Variants in SOX5 observed in about 807,000 individuals in gnomAD.
SOX5 encodes the protein transcription factor SOX-5.
A neutral mutation model predicts 92.0 loss-of-function variants in SOX5; 9 were observed. That is an observed-to-expected ratio of 0.10 (90% CI 0.06 to 0.17). SOX5 has a LOEUF of 0.17. SOX5 is among the 10% of genes least tolerant of loss of function. SOX5 has a pLI of 1.00. For missense variants in SOX5, 642 were observed against 944.5 expected (o/e 0.68, Z 4.20); for synonymous variants, 344 against 336.3 (o/e 1.02, Z -0.25).
chr12:23,568,507 G>C (rs1947553845), intron 10 of SOX5, among the ~76,000 whole-genome samples: 1 of 152,146 alleles, frequency 6.6e-6, no homozygotes, highest in South Asian at 2.1e-4. Flanking sequence ...CAGATTGCCA[G>C]ATACATGTAT....
chr12:23,785,099 A>G (rs2095355221), intron 3 of SOX5, among the ~76,000 whole-genome samples: 1 of 152,158 alleles, frequency 6.6e-6, no homozygotes, highest in Non-Finnish European at 1.5e-5. Context: ...AAATTTAAAA[A>G]TCATCTATTT....
chr12:24,251,078 T>C (rs537591739), intron 3 of SOX5, among the ~76,000 whole-genome samples: 6 of 152,364 alleles, frequency 3.9e-5, no homozygotes, highest in Non-Finnish European at 7.3e-5. Context: ...ACATGGAAAG[T>C]GTTTGCGTAG....
chr12:24,179,196 G>A (rs576028425), intron 4 of SOX5, among the ~76,000 whole-genome samples: 1 of 152,292 alleles, frequency 6.6e-6, no homozygotes, highest in East Asian at 1.9e-4. Flanking sequence ...TATTCGAACA[G>A]TATCTAGAAA....
intron 2 of SOX5, among the ~76,000 whole-genome samples, chr12:24,353,005 T>A (rs1424708383): frequency 6.6e-6 from 1 of 152,142 alleles, no homozygotes; most frequent in Non-Finnish European, 1.5e-5. Flanking sequence ...GCCCAGGGGA[T>A]GGGGGTGCAA....
At chr12:23,564,209 C>A (rs961965657) in intron 10 of SOX5, among the ~76,000 whole-genome samples, 4 of 152,168 alleles carry the variant, frequency 2.6e-5, no homozygotes, top group Non-Finnish European at 4.4e-5. Flanking sequence ...GTGTAACAAC[C>A]AAAACTAATT....
chr12:23,549,989 T>C (rs139148982), intron 11 of SOX5, among the ~76,000 whole-genome samples: 1 of 152,128 alleles, frequency 6.6e-6, no homozygotes, highest in East Asian at 1.9e-4. Flanking sequence ...AAAACTATTA[T>C]TAACGTATTA....
intron 2 of SOX5, among the ~76,000 whole-genome samples, chr12:23,863,633 T>A (rs2096779488): frequency 6.6e-6 from 1 of 152,216 alleles, no homozygotes; most frequent in African/African-American, 2.4e-5. Context: ...TACCATATGA[T>A]GTTTCTGATA....
chr12:24,421,199 G>T (rs1456122727), intron 1 of SOX5, among the ~76,000 whole-genome samples: 1 of 152,168 alleles, frequency 6.6e-6, no homozygotes, highest in Admixed American at 6.5e-5. Flanking sequence ...ACATGGAGAG[G>T]CTTCTGGGAT....
Position 24,393,854 on chromosome 12 carries a change from G to A in SOX5, c.-250-25215C>T, listed in dbSNP as rs79388775. On this transcript the variant is annotated intron_variant, in intron 1 of 4. Coordinates refer to the SOX5 transcript ENST00000446891. This position sits in a 1 kb window ranked among gnomAD's most constrained non-coding sequence, Gnocchi z 5.0. ...TACCTCTTTCTTCAAAAGTTTAAAA[G>A]AGAATAGCAAAAGAGAAAAGACTAA... is the stretch of plus-strand genomic sequence containing the variant. 0.052 allele frequency among the ~76,000 whole-genome samples: 7,977 copies of A among 152,240 alleles called. 310 individuals carry two copies. Among genetic ancestry groups the A allele is most frequent in the Non-Finnish European group, 0.08 (5,449 of 68,008 alleles).
At chr12:23,895,731 C>A in intron 2 of SOX5, 62 bp downstream of exon 2, 1 of 1,167,764 alleles carries the variant, frequency 8.6e-7, no homozygotes, top group South Asian at 1.2e-5. Flanking sequence ...TGAGGCCAAA[C>A]TATTAGAGGA....
intron 3 of SOX5, among the ~76,000 whole-genome samples, chr12:23,791,241 T>C (rs189963200): frequency 5.4e-4 from 82 of 152,356 alleles, no homozygotes; most frequent in African/African-American, 1.9e-3. Flanking sequence ...ATTCGGCTTC[T>C]ATTGTCTCAG....
rs576772428 is a variant in SOX5 at position 23,534,368 on chromosome 12, C to T, written c.2143G>A (p.Val715Met). ...GMPVIQSTYG[V>M]KGEEPHIKEE... is the part of the protein sequence containing the mutation. The stretch of plus-strand genomic sequence containing the variant: ...TTGATATGTGGCTCCTCTCCTTTCA[C>T]ACCGTAAGTGCTCTGGATAACAGGC... Residue 715 changes from valine to methionine, a missense_variant, in exon 15 of 15, where the codon GTG becomes ATG. Physicochemically the swap from Val to Met is conservative, Grantham distance 21. This residue lies in a region of SOX5 where 130 missense variants were observed against 140.6 expected (regional missense o/e 0.92). Transcript: ENST00000451604. 33 of 1,614,044 alleles carry T rather than the reference C, an allele frequency of 2.0e-5. No individual in the cohort carries two copies. The highest frequency in any genetic ancestry group is 2.5e-5 in the Non-Finnish European group (30 of 1,180,040).
intron 3 of SOX5, 70 bp from the exon 4 acceptor site, chr12:23,755,794 A>G: frequency 9.7e-7 from 1 of 1,035,872 alleles, no homozygotes; most frequent in Non-Finnish European, 1.4e-6. Flanking sequence ...TTAAAAGTCT[A>G]TCTGCTAAAA....
rs565621367 is a variant in SOX5, at chr12:24,145,617, C to T, written c.-2+67726G>A. On this transcript the variant is annotated intron_variant, in intron 4 of 4. Transcript: ENST00000446891. ...GCTCAAGAAATCCTCCTGCCTGATC[C>T]TCCCAAGTAGCTGAGACTACAAGTA... Among the ~76,000 whole-genome samples the T allele has an allele frequency of 2.6e-5, 4 of 152,260 alleles. No homozygotes were observed. The East Asian group carries it at 7.7e-4, about 29-fold the overall frequency.
intron 3 of SOX5, among the ~76,000 whole-genome samples, chr12:23,838,204 C>G (rs956231093): frequency 7.1e-6 from 1 of 141,648 alleles, no homozygotes; most frequent in African/African-American, 2.6e-5. Context: ...ATTATATATA[C>G]CCATTTTTCT....
rs191706405 is a variant in SOX5 at position 23,989,759 on chromosome 12, C to A, written c.-1-93735G>T. Among the ~76,000 whole-genome samples, 540 of 152,170 alleles carry A rather than the reference C, an allele frequency of 3.5e-3. 5 individuals carry two copies. Among genetic ancestry groups the A allele is most frequent in the African/African-American group, 0.013 (528 of 41,536 alleles). On this transcript the variant is annotated intron_variant, in intron 4 of 4. Transcript: ENST00000446891. ...GGCAGTCTGCAACACTTAAGAGGAC[C>A]CTCACCAGAGTCCAACCATGGTGGC... is the stretch of plus-strand genomic sequence containing the variant.
At chr12:24,392,928 T>C (rs981586341) in intron 1 of SOX5, among the ~76,000 whole-genome samples, 2 of 152,118 alleles carry the variant, frequency 1.3e-5, no homozygotes, top group Non-Finnish European at 2.9e-5. Flanking sequence ...CACTGGGCTT[T>C]AGGGCCCCCA....
intron 2 of SOX5, among the ~76,000 whole-genome samples, chr12:24,345,343 C>T (rs1431838930): frequency 6.6e-6 from 1 of 152,196 alleles, no homozygotes; most frequent in Non-Finnish European, 1.5e-5. Flanking sequence ...TCAAGCCTTC[C>T]TTTGCCTACA....
intron 1 of SOX5, among the ~76,000 whole-genome samples, chr12:24,457,272 T>C (rs1943123768): frequency 1.3e-5 from 2 of 152,152 alleles, no homozygotes; most frequent in African/African-American, 4.8e-5. Context: ...ATAATGTCAA[T>C]GGTGTATTTT....
Sources: gnomAD v4.1 joint callset for allele counts (sites outside exome capture counted in the v4.1 genomes callset) on GRCh38, gnomAD v4.1.1 for gene constraint, gnomAD v4.1.1 regional missense constraint, Gnocchi (gnomAD v3.1) non-coding constraint, MANE v1.5 for transcripts, NCBI Gene and HGNC (gene_info 2026-07-23, HGNC 2026-07-21) for gene names.